UIMC1: variants seen among roughly 807,000 people sequenced by gnomAD.
UIMC1 encodes ubiquitin interaction motif containing 1.
Under a neutral mutation model 84.9 loss-of-function variants are expected in UIMC1, and 42 were observed. The observed-to-expected ratio is 0.49, with a 90% CI of 0.39 to 0.64. The LOEUF (loss-of-function observed/expected upper bound fraction) is 0.64, where lower values mean the gene tolerates loss of function less well. Among genes scored for constraint, UIMC1 ranks in the 30% least tolerant of loss-of-function variants. The pLI is 0.00. For missense variants in UIMC1, 825 were observed against 847.6 expected (o/e 0.97, Z 0.33); for synonymous variants, 281 against 293.0 (o/e 0.96, Z 0.42).
chr5:177,012,465 G>A lies in UIMC1; in HGVS notation c.-9+9999C>T, dbSNP rs540767919. On this transcript the variant is annotated intron_variant, in intron 1 of 5. Transcript: ENST00000509236. ...GCAATCCCGGCACTTTGGGAGGCTG[G>A]GTGGATCACTTGAGGCCAGGGGTTC... 4.6e-5 allele frequency among the ~76,000 whole-genome samples: 7 copies of A among 152,198 alleles called. No individual in the cohort carries two copies. In the South Asian group the frequency reaches 1.5e-3, roughly 32 times the overall value.
chr5:176,925,935 G>T (rs550178576), intron 10 of UIMC1, among the ~76,000 whole-genome samples: 1 of 152,254 alleles, frequency 6.6e-6, no homozygotes, highest in Admixed American at 6.5e-5. Flanking sequence ...CAGGGAAAAT[G>T]AACCAATATT....
At chr5:176,924,297 G>A (rs1490621415) in intron 10 of UIMC1, among the ~76,000 whole-genome samples, 10 of 150,388 alleles carry the variant, frequency 6.6e-5, no homozygotes, top group African/African-American at 2.2e-4. Flanking sequence ...CAGCCTGGGG[G>A]ACAAGAGTGA....
chr5:176,968,993 A>G lies in UIMC1; in HGVS notation c.762T>C (p.Ser254=), dbSNP rs140897175. The change falls in exon 6 of 15, where the codon TCT becomes TCC. Residue 254 remains serine (S), a synonymous_variant. Transcript: ENST00000511320. The part of the protein sequence containing the change: ...LKAVQGSGDT[S]RHCLPTLADA... ...CTGCTAGGGTAGGTAGACAGTGCCTAGATGTGTCCCCGCTACCCTGGACAG... is the reference window on the plus strand; with the variant it reads ...CTGCTAGGGTAGGTAGACAGTGCCTGGATGTGTCCCCGCTACCCTGGACAG... 1.7e-4 allele frequency: 277 copies of G among 1,614,082 alleles called. No individual in the cohort carries two copies. The highest frequency in any genetic ancestry group is 2.3e-4 in the Non-Finnish European group (268 of 1,180,036).
At chr5:177,018,357 AAAG>A (rs1775716200) in intron 1 of UIMC1, among the ~76,000 whole-genome samples, 1 of 152,024 alleles carries the variant, frequency 6.6e-6, no homozygotes, top group South Asian at 2.1e-4. Context: ...CTCAAAAAAA[AAAG>A]AAAAGAAAGA....
intron 3 of UIMC1, among the ~76,000 whole-genome samples, chr5:176,973,493 T>C (rs10074927): frequency 0.098 from 14,698 of 150,562 alleles, 1,496 homozygotes; most frequent in African/African-American, 0.26. Context: ...ATGCCTATAA[T>C]TGCTCAAGTC....
At position 176,908,532 on chromosome 5, in the gene UIMC1, C is replaced by A; in HGVS notation, c.1839G>T (p.Lys613Asn). ...AACACTCTACACATACCTTTGGGTT[C>A]TTCAGCCTCTGCTGCCACTTCCCCT... ...TVEGKWQQRL[K>N]NPKEKGHSEG... The change falls in exon 12 of 15, where the codon AAG (lysine) becomes AAT (asparagine). Residue 613 changes from lysine to asparagine, a missense_variant. By Grantham distance (94) the Lys-to-Asn change is moderately conservative. Coordinates refer to ENST00000511320, the MANE Select transcript of UIMC1 (RefSeq NM_001199298.2). The A allele has an allele frequency of 4.3e-6, 7 of 1,613,578 alleles. No homozygotes were observed. Among genetic ancestry groups the A allele is most frequent in the Non-Finnish European group, 5.9e-6 (7 of 1,179,824 alleles).
chr5:176,905,581 CA>C (rs1278754316), intron 14 of UIMC1, 89 bp from the exon 15 acceptor site: 23 of 1,187,994 alleles, frequency 1.9e-5, no homozygotes, highest in Non-Finnish European at 2.7e-5. Flanking sequence ...TTTTACATAT[CA>C]GGGGATTATT....
intron 10 of UIMC1, among the ~76,000 whole-genome samples, chr5:176,934,815 ATTCT>A (rs1202371363): frequency 6.6e-6 from 1 of 152,210 alleles, no homozygotes; most frequent in East Asian, 1.9e-4. Context: ...GGAAAAAAAA[ATTCT>A]TTCTTTCCAT....
intron 1 of UIMC1, among the ~76,000 whole-genome samples, chr5:176,986,519 C>A: frequency 7.7e-6 from 1 of 130,088 alleles, no homozygotes. Flanking sequence ...AACTGGGCAA[C>A]AGAGCAAGAC....
chr5:176,941,546 A>G (rs1352303938), intron 10 of UIMC1, among the ~76,000 whole-genome samples: 3 of 152,246 alleles, frequency 2.0e-5, no homozygotes, highest in Non-Finnish European at 4.4e-5. Context: ...AAAAGTAAAT[A>G]ACATGTGCTT....
In UIMC1 at chr5:176,952,617, T is replaced by C. The variant is rs538451621; in HGVS notation, c.1340-1040A>G. On this transcript the variant is annotated intron_variant, in intron 8 of 14. Coordinates refer to ENST00000511320, the MANE Select transcript of UIMC1 (RefSeq NM_001199298.2). ...TATACGGCCCACAGGGCCTAAAATA[T>C]TTCCTATCTAGTCTTTTATTTTTAA... Among the ~76,000 whole-genome samples the C allele has an allele frequency of 6.6e-4, 101 of 152,340 alleles. 2 individuals carry two copies. The highest frequency in any genetic ancestry group is 2.4e-3 in the African/African-American group (100 of 41,580).
Position 176,988,404 on chromosome 5 carries a change from G to A in UIMC1, c.-8-5781C>T, listed in dbSNP as rs952247260. On this transcript the variant is annotated intron_variant, in intron 1 of 14. Transcript: ENST00000511320. ...GATGAACCTTGAAAACATGCCAAGC[G>A]AAAGAAGCCAGACATAAAAGGCACA... Among the ~76,000 whole-genome samples the A allele has an allele frequency of 6.6e-5, 10 of 152,046 alleles. No homozygotes were observed. The East Asian group carries it at 7.7e-4, about 12-fold the overall frequency.
At chr5:176,987,381 C>T (rs1772183338) in intron 1 of UIMC1, among the ~76,000 whole-genome samples, 1 of 152,052 alleles carries the variant, frequency 6.6e-6, no homozygotes, top group South Asian at 2.1e-4. Flanking sequence ...CACAGTGGCT[C>T]ATGTTTATAA....
intron 10 of UIMC1, among the ~76,000 whole-genome samples, chr5:176,933,627 C>T (rs912861788): frequency 1.3e-5 from 2 of 151,840 alleles, no homozygotes; most frequent in Non-Finnish European, 2.9e-5. Flanking sequence ...GCCTCCAACT[C>T]CTGGGCTCAA....
chr5:176,944,448 G>C (rs574541318), intron 9 of UIMC1, among the ~76,000 whole-genome samples: 11 of 152,310 alleles, frequency 7.2e-5, no homozygotes, highest in South Asian at 2.1e-4. Flanking sequence ...AACAGTGTGT[G>C]TGAGCACTGC....
chr5:176,976,168 G>T (rs1489147496), intron 2 of UIMC1, among the ~76,000 whole-genome samples: 2 of 151,664 alleles, frequency 1.3e-5, no homozygotes, highest in Admixed American at 6.6e-5. Context: ...TAATTAAAAA[G>T]AATTTTTTTT....
intron 10 of UIMC1, among the ~76,000 whole-genome samples, chr5:176,927,403 A>G (rs1762515945): frequency 6.6e-6 from 1 of 151,684 alleles, no homozygotes; most frequent in Non-Finnish European, 1.5e-5. Flanking sequence ...ACAGGTGTGC[A>G]GCACCACACC....
chr5:177,001,970 A>AG (rs1460146332), intron 1 of UIMC1: 2 of 151,158 alleles, frequency 1.3e-5, no homozygotes, highest in Non-Finnish European at 2.9e-5. Context: ...AAAAAAAAAA[A>AG]AAATCAGCCA....
chr5:176,974,952 G>A (rs1036113082), intron 3 of UIMC1, among the ~76,000 whole-genome samples: 4 of 152,038 alleles, frequency 2.6e-5, no homozygotes, highest in Non-Finnish European at 4.4e-5. Context: ...CCAGGAGTTT[G>A]AGATGAGCCT....
Sources: allele counts gnomAD v4.1 joint callset (sites outside exome capture counted in the v4.1 genomes callset), GRCh38; gene constraint gnomAD v4.1.1; transcripts MANE v1.5; gene names NCBI Gene and HGNC (gene_info 2026-07-23, HGNC 2026-07-21).